The following PTBP2 variants were observed in gnomAD, a reference collection of about 807,000 sequenced individuals.
The protein encoded by PTBP2 is polypyrimidine tract-binding protein 2.
PTBP2 carries 13 observed loss-of-function variants against 61.4 expected under a neutral mutation model. That is an observed-to-expected ratio of 0.21 (90% CI 0.14 to 0.34). PTBP2 has a LOEUF of 0.34. Among genes scored for constraint, PTBP2 ranks in the 10% least tolerant of loss-of-function variants. PTBP2 has a pLI of 1.00. For synonymous variants in PTBP2, 215 were observed against 218.5 expected, an observed-to-expected ratio of 0.98 and a Z score of 0.14; for missense variants, 405 against 642.6, an observed-to-expected ratio of 0.63 and a Z score of 4.00.
intron 2 of PTBP2, among the ~76,000 whole-genome samples, chr1:96,724,167 A>G (rs12086120): frequency 0.2 from 30,847 of 151,958 alleles, 3,282 homozygotes; most frequent in African/African-American, 0.27. Context: ...TAAGAAAACT[A>G]CTCATCGTTT....
chr1:96,745,706 CTT>C (rs1034289523), intron 2 of PTBP2, among the ~76,000 whole-genome samples: 1 of 151,994 alleles, frequency 6.6e-6, no homozygotes, highest in Non-Finnish European at 1.5e-5. Flanking sequence ...GTGATATACT[CTT>C]TTGTGAAAAT....
chr1:96,784,142 C>T (rs1453233496), intron 7 of PTBP2, among the ~76,000 whole-genome samples: 1 of 152,040 alleles, frequency 6.6e-6, no homozygotes, highest in Non-Finnish European at 1.5e-5. Flanking sequence ...AGTATGTTCA[C>T]CTGTTCTCTA....
intron 8 of PTBP2, among the ~76,000 whole-genome samples, chr1:96,793,681 T>C (rs1328936927): frequency 6.6e-6 from 1 of 152,202 alleles, no homozygotes; most frequent in African/African-American, 2.4e-5. Context: ...TCATTTAAAA[T>C]TTTTTAACAC....
intron 8 of PTBP2, among the ~76,000 whole-genome samples, chr1:96,787,448 ATT>A (rs956504065): frequency 2.6e-5 from 4 of 152,142 alleles, no homozygotes; most frequent in African/African-American, 9.7e-5. Context: ...AGTATAACGC[ATT>A]TTTGTTTCTT....
intron 8 of PTBP2, among the ~76,000 whole-genome samples, chr1:96,792,647 G>T (rs1304510057): frequency 6.6e-6 from 1 of 151,672 alleles, no homozygotes; most frequent in Non-Finnish European, 1.5e-5. Flanking sequence ...TAAGTATTTA[G>T]CCTGATTATC....
intron 7 of PTBP2, among the ~76,000 whole-genome samples, chr1:96,780,359 C>T (rs564625070): frequency 2.6e-5 from 4 of 152,032 alleles, no homozygotes; most frequent in South Asian, 4.2e-4. Flanking sequence ...CACCCTGCCT[C>T]CCCTCTCCCT....
At chr1:96,767,431 A>C (rs1430432332) in intron 3 of PTBP2, among the ~76,000 whole-genome samples, 1 of 152,064 alleles carries the variant, frequency 6.6e-6, no homozygotes, top group Admixed American at 6.5e-5. Flanking sequence ...AATTAGGAGA[A>C]ACTGAAATTT....
chr1:96,741,057 GTTTCTA>G (rs1276836617), intron 2 of PTBP2, among the ~76,000 whole-genome samples: 3 of 151,156 alleles, frequency 2.0e-5, no homozygotes, highest in Non-Finnish European at 4.4e-5. Flanking sequence ...GTAGATTCTT[GTTTCTA>G]TACATTCTTT....
At chr1:96,800,136 G>A (rs720090) in intron 8 of PTBP2, among the ~76,000 whole-genome samples, 9,539 of 152,228 alleles carry the variant, frequency 0.063, 373 homozygotes, top group Middle Eastern at 0.082. Context: ...TGTGTAAAAG[G>A]AAGGATCATT....
At chr1:96,777,047 C>T (rs544138383) in intron 5 of PTBP2, among the ~76,000 whole-genome samples, 1 of 152,120 alleles carries the variant, frequency 6.6e-6, no homozygotes, top group Admixed American at 6.5e-5. Flanking sequence ...TTGGACTAGA[C>T]TACACGTTGG....
At chr1:96,741,555 C>T (rs185838731) in intron 2 of PTBP2, among the ~76,000 whole-genome samples, 2 of 152,172 alleles carry the variant, frequency 1.3e-5, no homozygotes, top group East Asian at 3.9e-4. Flanking sequence ...AGTCGCTGTG[C>T]CTGGCCTGTT....
intron 5 of PTBP2, among the ~76,000 whole-genome samples, chr1:96,774,695 A>G (rs566273560): frequency 9.4e-4 from 143 of 152,200 alleles, no homozygotes; most frequent in Non-Finnish European, 1.8e-3. Context: ...TTTATAAACT[A>G]CTTTCTTTTT....
At chr1:96,819,403 G>A (rs1165486821), downstream of PTBP2, 1 of 151,812 alleles carries the variant, frequency 6.6e-6, no homozygotes, top group African/African-American at 2.4e-5. Context: ...CTTATCTATT[G>A]TCATGTCTTA....
chr1:96,752,083 T>G lies in PTBP2; in HGVS notation c.115+583T>G, dbSNP rs892786436. 1.1e-4 allele frequency among the ~76,000 whole-genome samples: 17 copies of G among 152,250 alleles called. 1 individual carries two copies. The South Asian group carries it at 1.2e-3, about 11-fold the overall frequency. On this transcript the variant is annotated intron_variant, in intron 3 of 13. Coordinates refer to ENST00000674951, the MANE Select transcript of PTBP2 (RefSeq NM_021190.4). ...TGTATATGTCTGAAATAATGTTGTTTGTAGCATCTGTCAGTAAAACAATAT... is the reference window on the plus strand; with the variant it reads ...TGTATATGTCTGAAATAATGTTGTTGGTAGCATCTGTCAGTAAAACAATAT...
chr1:96,756,970 A>G (rs1246177340), intron 3 of PTBP2, among the ~76,000 whole-genome samples: 1 of 152,174 alleles, frequency 6.6e-6, no homozygotes, highest in East Asian at 1.9e-4. Context: ...CATCAGTTGT[A>G]ACAATGTGCC....
At chr1:96,738,187 A>G (rs902266734) in intron 2 of PTBP2, among the ~76,000 whole-genome samples, 6 of 152,170 alleles carry the variant, frequency 3.9e-5, no homozygotes, top group African/African-American at 1.4e-4. Context: ...TACTACACCC[A>G]TTTCCAGTTC....
intron 8 of PTBP2, among the ~76,000 whole-genome samples, chr1:96,785,572 T>C (rs191244716): frequency 1.3e-4 from 20 of 152,334 alleles, no homozygotes; most frequent in Admixed American, 1.2e-3. Flanking sequence ...ATTTACACTT[T>C]AAACTTGATG....
chr1:96,797,727 C>G (rs1268449318), intron 8 of PTBP2, among the ~76,000 whole-genome samples: 1 of 152,068 alleles, frequency 6.6e-6, no homozygotes, highest in Non-Finnish European at 1.5e-5. Context: ...TAAATCATCT[C>G]TAGATTACTT....
At chr1:96,769,655 C>A (rs372119324) in intron 3 of PTBP2, 48 bp from the exon 4 acceptor site, 1 of 1,272,506 alleles carries the variant, frequency 7.9e-7, no homozygotes, top group Non-Finnish European at 1.0e-6. Context: ...AAAATTCATA[C>A]ATTCTTTTAT....
Sources: allele counts gnomAD v4.1 joint callset (sites outside exome capture counted in the v4.1 genomes callset), GRCh38; gene constraint gnomAD v4.1.1; transcripts MANE v1.5; gene names NCBI Gene and HGNC (gene_info 2026-07-23, HGNC 2026-07-21).